The following SPAG16 variants were observed in gnomAD, a reference collection of about 807,000 sequenced individuals.
SPAG16 encodes the protein sperm associated antigen 16.
A neutral mutation model predicts 80.4 loss-of-function variants in SPAG16; 86 were observed. That is an observed-to-expected ratio of 1.07 (90% CI 0.90 to 1.28). The LOEUF is 1.28. SPAG16 is among the 50% of genes most tolerant of loss of function. SPAG16 has a pLI of 0.00. For synonymous variants in SPAG16, 294 were observed against 265.9 expected, an observed-to-expected ratio of 1.11 and a Z score of -1.03; for missense variants, 870 against 765.3, an observed-to-expected ratio of 1.14 and a Z score of -1.61.
intron 3 of SPAG16, among the ~76,000 whole-genome samples, chr2:213,302,360 A>G (rs896556901): frequency 6.6e-6 from 1 of 152,152 alleles, no homozygotes; most frequent in Non-Finnish European, 1.5e-5. Flanking sequence ...AGTATACATA[A>G]TGGTTGCATG....
chr2:213,755,461 G>A (rs2068280761), intron 10 of SPAG16, among the ~76,000 whole-genome samples: 2 of 152,146 alleles, frequency 1.3e-5, no homozygotes, highest in African/African-American at 4.8e-5. Context: ...ATATAGATAA[G>A]TGATCCACTA....
At chr2:213,442,693 C>T (rs558925394) in intron 9 of SPAG16, among the ~76,000 whole-genome samples, 3 of 152,084 alleles carry the variant, frequency 2.0e-5, no homozygotes, top group Admixed American at 2.0e-4. Context: ...TCAAGAAAGG[C>T]TGCTGGAACA....
chr2:213,930,475 G>A (rs550232821), intron 12 of SPAG16, among the ~76,000 whole-genome samples: 11 of 152,168 alleles, frequency 7.2e-5, no homozygotes, highest in Admixed American at 3.9e-4. Context: ...TTTTAGTTCC[G>A]CTTTCCACAG....
intron 10 of SPAG16, among the ~76,000 whole-genome samples, chr2:213,491,371 C>A (rs531982844): frequency 6.6e-6 from 1 of 152,320 alleles, no homozygotes; most frequent in East Asian, 1.9e-4. Context: ...AAAATAAGAA[C>A]TTCAGACAAC....
At chr2:214,339,620 A>G (rs1290294814) in intron 15 of SPAG16, among the ~76,000 whole-genome samples, 1 of 151,676 alleles carries the variant, frequency 6.6e-6, no homozygotes, top group Non-Finnish European at 1.5e-5. Flanking sequence ...TATTAGAAAA[A>G]CATGCTTATT....
At chr2:213,667,369 C>T (rs544319559) in intron 10 of SPAG16, among the ~76,000 whole-genome samples, 1 of 152,124 alleles carries the variant, frequency 6.6e-6, no homozygotes, top group African/African-American at 2.4e-5. Context: ...AAATCCAAAG[C>T]GGGTTCTTGC....
chr2:214,115,452 A>G (rs2053884621), intron 14 of SPAG16, among the ~76,000 whole-genome samples: 1 of 152,246 alleles, frequency 6.6e-6, no homozygotes, highest in Admixed American at 6.5e-5. Context: ...AGCTATTTAC[A>G]TAAACATAGT....
chr2:213,601,410 T>C (rs1175907684), intron 10 of SPAG16, among the ~76,000 whole-genome samples: 1 of 152,174 alleles, frequency 6.6e-6, no homozygotes, highest in Non-Finnish European at 1.5e-5. Context: ...ATTGTGTACA[T>C]GCATGTATAT....
intron 15 of SPAG16, among the ~76,000 whole-genome samples, chr2:214,207,687 G>A (rs988374649): frequency 6.6e-6 from 1 of 152,174 alleles, no homozygotes; most frequent in African/African-American, 2.4e-5. Context: ...GTCTGTGAGG[G>A]TGTTTCCAAA....
chr2:214,389,140 T>C (rs1406079766), intron 15 of SPAG16, among the ~76,000 whole-genome samples: 2 of 152,084 alleles, frequency 1.3e-5, no homozygotes, highest in East Asian at 1.9e-4. Context: ...AAGAATAAAA[T>C]ATAATCAAGA....
At chr2:214,362,881 T>C (rs1699267496) in intron 15 of SPAG16, among the ~76,000 whole-genome samples, 1 of 151,946 alleles carries the variant, frequency 6.6e-6, no homozygotes, top group Non-Finnish European at 1.5e-5. Context: ...TAACACAAGA[T>C]AGGAACCATT....
At chr2:213,776,828 C>CA (rs1035405625) in intron 10 of SPAG16, among the ~76,000 whole-genome samples, 5 of 48,678 alleles carry the variant, frequency 1.0e-4, no homozygotes, top group Non-Finnish European at 2.1e-4. Context: ...TCTATGCCAC[C>CA]CCCCCCCCAC....
At chr2:213,728,074 C>T (rs902870742) in intron 10 of SPAG16, among the ~76,000 whole-genome samples, 4 of 152,134 alleles carry the variant, frequency 2.6e-5, no homozygotes, top group African/African-American at 7.2e-5. Context: ...GTCTCAAACT[C>T]CTGACCTCAG....
intron 9 of SPAG16, among the ~76,000 whole-genome samples, chr2:213,470,103 C>G (rs575961834): frequency 6.6e-6 from 1 of 152,220 alleles, no homozygotes; most frequent in East Asian, 1.9e-4. Context: ...AGAAACAGTA[C>G]CATATATTGG....
chr2:213,648,563 T>G (rs2062908714), intron 10 of SPAG16, among the ~76,000 whole-genome samples: 1 of 151,316 alleles, frequency 6.6e-6, no homozygotes. Flanking sequence ...TGATAAATGA[T>G]TCATGCATCA....
intron 11 of SPAG16, among the ~76,000 whole-genome samples, chr2:213,923,392 C>T (rs1274296465): frequency 1.3e-5 from 2 of 152,054 alleles, no homozygotes; most frequent in African/African-American, 4.8e-5. Context: ...AAAGCTGCCC[C>T]CTCTAGATCA....
intron 12 of SPAG16, among the ~76,000 whole-genome samples, chr2:214,011,912 T>C (rs968231663): frequency 3.9e-5 from 6 of 152,124 alleles, no homozygotes; most frequent in Non-Finnish European, 8.8e-5. Context: ...CTTCTTACAG[T>C]TCATATGTGC....
intron 14 of SPAG16, among the ~76,000 whole-genome samples, chr2:214,128,760 C>T (rs947182924): frequency 5.3e-5 from 8 of 151,702 alleles, no homozygotes; most frequent in Admixed American, 4.7e-4. Flanking sequence ...ATCAAGTTTA[C>T]CTTGTTGGAT....
chr2:214,397,158 CTTTTTTT>C (rs66580402), intron 15 of SPAG16, among the ~76,000 whole-genome samples: 12 of 129,964 alleles, frequency 9.2e-5, no homozygotes, highest in Non-Finnish European at 1.6e-4. Context: ...TTTTAATTTT[CTTTTTTT>C]TTTTTTTTTG....
Sources: gnomAD v4.1 joint callset for allele counts (sites outside exome capture counted in the v4.1 genomes callset) on GRCh38, gnomAD v4.1.1 for gene constraint, MANE v1.5 for transcripts, NCBI Gene and HGNC (gene_info 2026-07-23, HGNC 2026-07-21) for gene names.